Variants in ADGRL2 observed in about 807,000 individuals in gnomAD.
The protein encoded by ADGRL2 is calcium-independent alpha-latrotoxin receptor 2.
In ADGRL2, 44 loss-of-function variants were observed where a neutral mutation model predicts 157.4. The ratio of observed to expected loss-of-function variants is 0.28; its 90% CI spans 0.22 to 0.36. ADGRL2 has a LOEUF of 0.36. Among genes scored for constraint, ADGRL2 ranks in the 10% least tolerant of loss-of-function variants. ADGRL2 has a pLI of 1.00. For synonymous variants in ADGRL2, 585 were observed against 624.7 expected, an observed-to-expected ratio of 0.94 and a Z score of 0.95; for missense variants, 1,510 against 1,768.9, an observed-to-expected ratio of 0.85 and a Z score of 2.63.
intron 11 of ADGRL2, among the ~76,000 whole-genome samples, chr1:81,958,236 G>A (rs1034406550): frequency 6.7e-5 from 10 of 149,434 alleles, no homozygotes; most frequent in Non-Finnish European, 1.5e-4. Flanking sequence ...CAGCCTGGGC[G>A]ACAAGAGCAA....
intron 3 of ADGRL2, chr1:81,596,320 T>C (rs2081232347): frequency 1.8e-6 from 1 of 549,844 alleles, no homozygotes; most frequent in Non-Finnish European, 3.5e-6. Flanking sequence ...CTTGTAGTGA[T>C]TCTCAAACTC....
chr1:81,339,025 A>C (rs1378271011), intron 1 of ADGRL2, among the ~76,000 whole-genome samples: 1 of 152,196 alleles, frequency 6.6e-6, no homozygotes, highest in Non-Finnish European at 1.5e-5. Flanking sequence ...TACAAAACTC[A>C]GTTCATGGTT....
chr1:81,408,120 G>A (rs1447956556), intron 1 of ADGRL2, among the ~76,000 whole-genome samples: 1 of 152,134 alleles, frequency 6.6e-6, no homozygotes, highest in East Asian at 1.9e-4. Context: ...TATTGTGTTT[G>A]TAATTGCTGT....
At chr1:81,532,244 C>A (rs2079617894) in intron 2 of ADGRL2, among the ~76,000 whole-genome samples, 1 of 152,066 alleles carries the variant, frequency 6.6e-6, no homozygotes, top group Admixed American at 6.6e-5. Flanking sequence ...TTTTCATGTT[C>A]AAAATATTAT....
At chr1:81,979,735 C>A in intron 17 of ADGRL2, 134 bp from the exon 18 acceptor site, 1 of 572,048 alleles carries the variant, frequency 1.7e-6, no homozygotes, top group Non-Finnish European at 3.1e-6. Context: ...TATGTAGACT[C>A]AACTTGATCA....
At chr1:81,455,400 T>C (rs1434141193) in intron 2 of ADGRL2, among the ~76,000 whole-genome samples, 1 of 152,184 alleles carries the variant, frequency 6.6e-6, no homozygotes, top group Non-Finnish European at 1.5e-5. Context: ...TTGTGCTGTG[T>C]GGCACTTGGC....
intron 1 of ADGRL2, among the ~76,000 whole-genome samples, chr1:81,316,845 T>C (rs1431582313): frequency 1.3e-5 from 2 of 152,196 alleles, no homozygotes; most frequent in African/African-American, 4.8e-5. Context: ...AACATCCAGA[T>C]CCCAGGTAGT....
In ADGRL2 at chr1:81,966,812, T is replaced by G. The variant is rs114543817; in HGVS notation, c.2349+203T>G. Among the ~76,000 whole-genome samples the G allele has an allele frequency of 2.9e-3, 443 of 152,352 alleles. 2 individuals carry two copies. The highest frequency in any genetic ancestry group is 9.7e-3 in the African/African-American group (405 of 41,584). On this transcript the variant is annotated intron_variant, in intron 13 of 23. Transcript: ENST00000686636. ...CTGTGAACATAAAATTAAATGAGCT[T>G]GGTTCAGTGATTATTAGAACTTAAG...
chr1:81,494,329 A>G (rs1182850027), intron 2 of ADGRL2, among the ~76,000 whole-genome samples: 1 of 152,162 alleles, frequency 6.6e-6, no homozygotes, highest in Non-Finnish European at 1.5e-5. Context: ...CATTTTAAAA[A>G]GTATAATCTG....
chr1:81,565,856 A>G (rs1233442318), intron 2 of ADGRL2, among the ~76,000 whole-genome samples: 1 of 152,188 alleles, frequency 6.6e-6, no homozygotes, highest in Non-Finnish European at 1.5e-5. Flanking sequence ...ACACTAAAAC[A>G]ATCTATAAGG....
intron 2 of ADGRL2, among the ~76,000 whole-genome samples, chr1:81,507,903 C>T (rs1251545464): frequency 1.3e-5 from 2 of 150,230 alleles, no homozygotes; most frequent in African/African-American, 2.5e-5. Context: ...AAAATGAAAA[C>T]ATGAGATTAC....
chr1:81,562,484 T>A (rs2080465350), intron 2 of ADGRL2, among the ~76,000 whole-genome samples: 1 of 126,622 alleles, frequency 7.9e-6, no homozygotes, highest in Admixed American at 7.5e-5. Flanking sequence ...AACTTTTTTA[T>A]GTGTCAATTT....
intron 2 of ADGRL2, among the ~76,000 whole-genome samples, chr1:81,570,585 C>T (rs148095570): frequency 0.014 from 2,140 of 152,120 alleles, 60 homozygotes; most frequent in African/African-American, 0.049. Flanking sequence ...GACGGGGTTT[C>T]GCTATGTTGG....
chr1:81,493,112 G>A (rs924387435), intron 2 of ADGRL2, among the ~76,000 whole-genome samples: 2 of 152,158 alleles, frequency 1.3e-5, no homozygotes, highest in African/African-American at 4.8e-5. Flanking sequence ...ATCTAAATGT[G>A]ATATAGTTCT....
chr1:81,599,596 G>A (rs188608105), intron 3 of ADGRL2, among the ~76,000 whole-genome samples: 1 of 152,118 alleles, frequency 6.6e-6, no homozygotes, highest in Admixed American at 6.5e-5. Context: ...AATGGAATTA[G>A]AATTTCATTG....
At chr1:81,502,353 G>A (rs1256069665) in intron 2 of ADGRL2, 1 of 1,614,052 alleles carries the variant, frequency 6.2e-7, no homozygotes, top group Non-Finnish European at 8.5e-7. Context: ...TTGGCCTGGA[G>A]TGATGATGCA....
At chr1:81,503,066 G>A (rs1375501412) in intron 2 of ADGRL2, 15 of 1,609,376 alleles carry the variant, frequency 9.3e-6, no homozygotes, top group Middle Eastern at 1.7e-4. Context: ...CTGCGGGAGC[G>A]GCTGGAGTCA....
intron 2 of ADGRL2, among the ~76,000 whole-genome samples, chr1:81,857,970 G>GA (rs1383189899): frequency 6.6e-6 from 1 of 151,948 alleles, no homozygotes; most frequent in Admixed American, 6.6e-5. Context: ...AATGGCCCTT[G>GA]AAAATGTATG....
intron 5 of ADGRL2, 87 bp downstream of exon 5, chr1:81,942,132 C>G: frequency 1.7e-6 from 1 of 572,826 alleles, no homozygotes. Flanking sequence ...CACAACACTC[C>G]TGTATTAAAA....
Sources: gnomAD v4.1 joint callset for allele counts (sites outside exome capture counted in the v4.1 genomes callset) on GRCh38, gnomAD v4.1.1 for gene constraint, MANE v1.5 for transcripts, NCBI Gene and HGNC (gene_info 2026-07-23, HGNC 2026-07-21) for gene names.